SGSM1: variants seen among roughly 807,000 people sequenced by gnomAD.
The protein encoded by SGSM1 is small G protein signaling modulator 1, also known as RUN and TBC1 domain containing 2.
A neutral mutation model predicts 133.8 loss-of-function variants in SGSM1; 73 were observed. That is an observed-to-expected ratio of 0.55 (90% CI 0.45 to 0.66). SGSM1 has a LOEUF of 0.66. SGSM1 is among the 30% of genes least tolerant of loss of function. The pLI is 0.00. For missense variants in SGSM1, 1,213 were observed against 1,448.1 expected, an observed-to-expected ratio of 0.84 and a Z score of 2.64; for synonymous variants, 563 against 573.0, an observed-to-expected ratio of 0.98 and a Z score of 0.25.
rs1555920070 is a variant in SGSM1, at chr22:24,822,088, C to CTCTTTTT, written c.63+15605_63+15606insCTTTTTT. On this transcript the variant is annotated intron_variant, in intron 2 of 24. Transcript: ENST00000400358. ...CCATGCTCTACCTGTTCATCTCTCTCTTTTTTTTTTTTTTTTTTTTGAGAC... is the reference window on the plus strand; with the variant it reads ...CCATGCTCTACCTGTTCATCTCTCTCTCTTTTTTTTTTTTTTTTTTTTTTTTTGAGAC... Among the ~76,000 whole-genome samples, 161 of 96,134 alleles carry CTCTTTTT rather than the reference C, an allele frequency of 1.7e-3. 3 individuals are homozygous for CTCTTTTT. The highest frequency in any genetic ancestry group is 6.0e-3 in the African/African-American group (156 of 26,176). 63.1% of individuals were successfully genotyped at this position (96,134 alleles called of 152,430 possible).
chr22:24,830,509 A>G (rs1929055760), intron 2 of SGSM1, among the ~76,000 whole-genome samples: 1 of 152,170 alleles, frequency 6.6e-6, no homozygotes, highest in Admixed American at 6.5e-5. Flanking sequence ...CAGGAAATAG[A>G]TGGCTCCCCC....
intron 3 of SGSM1, among the ~76,000 whole-genome samples, chr22:24,846,864 G>A (rs974060521): frequency 6.0e-5 from 9 of 149,708 alleles, no homozygotes; most frequent in East Asian, 2.0e-4. Flanking sequence ...TTTTTGAGAC[G>A]GAGTCTCGCT....
intron 3 of SGSM1, among the ~76,000 whole-genome samples, chr22:24,845,950 TTTCTTTC>T (rs1930092974): frequency 1.8e-5 from 1 of 54,470 alleles, no homozygotes; most frequent in Non-Finnish European, 3.9e-5. Context: ...CTTTTCTTTC[TTTCTTTC>T]TTTCTTTCTT....
intron 2 of SGSM1, among the ~76,000 whole-genome samples, chr22:24,816,768 A>T (rs768159699): frequency 6.6e-6 from 1 of 152,086 alleles, no homozygotes; most frequent in African/African-American, 2.4e-5. Flanking sequence ...GTCTCTTGCC[A>T]TCTCTCTGCA....
intron 21 of SGSM1, among the ~76,000 whole-genome samples, chr22:24,908,446 G>A (rs1158309737): frequency 2.0e-5 from 3 of 152,174 alleles, no homozygotes; most frequent in South Asian, 2.1e-4. Context: ...ATATTTGCAA[G>A]TCATATGCGT....
At chr22:24,912,027 C>G (rs1366813024) in intron 21 of SGSM1, among the ~76,000 whole-genome samples, 1 of 150,314 alleles carries the variant, frequency 6.7e-6, no homozygotes, top group Non-Finnish European at 1.5e-5. Context: ...TGCACTCCAG[C>G]CTGGGCGACA....
At chr22:24,837,987 G>T (rs1454771666) in intron 2 of SGSM1, among the ~76,000 whole-genome samples, 1 of 152,078 alleles carries the variant, frequency 6.6e-6, no homozygotes, top group Non-Finnish European at 1.5e-5. Flanking sequence ...TCTGTCTCTT[G>T]CCTCGGTGCC....
At chr22:24,816,946 C>G (rs5760681) in intron 2 of SGSM1, among the ~76,000 whole-genome samples, 88,492 of 152,026 alleles carry the variant, frequency 0.58, 26,370 homozygotes, top group East Asian at 0.83. Flanking sequence ...CACTGGACCA[C>G]TGTGGGTCAC....
At chr22:24,908,116 G>A (rs888563605) in intron 21 of SGSM1, among the ~76,000 whole-genome samples, 1 of 151,858 alleles carries the variant, frequency 6.6e-6, no homozygotes, top group Non-Finnish European at 1.5e-5. Flanking sequence ...AACTCAGTGA[G>A]GAAAAACAGT....
chr22:24,898,130 C>T lies in SGSM1; in HGVS notation c.2181C>T (p.His727=), dbSNP rs1569168990. 2 of 1,614,036 alleles carry T rather than the reference C, an allele frequency of 1.2e-6. No individual in the cohort carries two copies. The highest frequency in any genetic ancestry group is 1.3e-5 in the African/African-American group (1 of 75,062). The change falls in exon 19 of 25, where the codon CAC becomes CAT. Residue 727 remains histidine, a synonymous_variant. Transcript: ENST00000400358. ...ACTTCTCCTCGGGCCTCTCAGAGCACTCAGAGCCCAGTCTGAGCACAGAAG... is the reference window on the plus strand; with the variant it reads ...ACTTCTCCTCGGGCCTCTCAGAGCATTCAGAGCCCAGTCTGAGCACAGAAG... The part of the protein sequence containing the change: ...SHNFSSGLSE[H]SEPSLSTEDS...
At chr22:24,912,616 T>G (rs1426909469) in intron 21 of SGSM1, 27 bp from the exon 22 acceptor site, 50 of 1,508,676 alleles carry the variant, frequency 3.3e-5, no homozygotes, top group Non-Finnish European at 4.6e-5. Flanking sequence ...CAGCGGGGCA[T>G]CTGACTGTTC....
intron 12 of SGSM1, among the ~76,000 whole-genome samples, chr22:24,870,453 C>T (rs1354883257): frequency 6.6e-6 from 1 of 152,252 alleles, no homozygotes; most frequent in Non-Finnish European, 1.5e-5. Context: ...TCTCATCCAA[C>T]AGGCAATGTG....
intron 6 of SGSM1, 72 bp downstream of exon 6, chr22:24,855,135 T>A: frequency 6.4e-7 from 1 of 1,563,198 alleles, no homozygotes; most frequent in African/African-American, 1.4e-5. Flanking sequence ...TCTCCAGGAC[T>A]CTCTCACCCC....
In SGSM1 at chr22:24,924,322, C is replaced by T. The variant is rs1209745068; in HGVS notation, c.*48C>T. On this transcript the variant is annotated 3_prime_UTR_variant, in exon 25 of 25. Coordinates refer to ENST00000400358, the MANE Select transcript of SGSM1 (RefSeq NM_001098497.3). ...TCAGCCAAGCTGCCCCTGCCCCGCTCCTCTGCTTACTTTTCCTCCTGGCTG... is the reference window on the plus strand; with the variant it reads ...TCAGCCAAGCTGCCCCTGCCCCGCTTCTCTGCTTACTTTTCCTCCTGGCTG... 1 of 1,548,080 alleles carries T rather than the reference C, an allele frequency of 6.5e-7. No individual in the cohort carries two copies. The highest frequency in any genetic ancestry group is 1.7e-5 in the Admixed American group (1 of 59,232).
intron 12 of SGSM1, among the ~76,000 whole-genome samples, chr22:24,876,276 A>G (rs1932019582): frequency 6.6e-6 from 1 of 152,112 alleles, no homozygotes; most frequent in African/African-American, 2.4e-5. Flanking sequence ...AAGTGACAAC[A>G]TGGCAAGGCT....
At chr22:24,858,321 C>G (rs1213052930) in intron 8 of SGSM1, among the ~76,000 whole-genome samples, 1 of 152,058 alleles carries the variant, frequency 6.6e-6, no homozygotes, top group Non-Finnish European at 1.5e-5. Context: ...GGTTGCTTTG[C>G]AAGAAAATCT....
At chr22:24,914,676 A>G (rs1393334908) in intron 22 of SGSM1, among the ~76,000 whole-genome samples, 1 of 151,954 alleles carries the variant, frequency 6.6e-6, no homozygotes, top group Non-Finnish European at 1.5e-5. Context: ...TTTACTCCCC[A>G]CTTTACATAA....
chr22:24,885,094 C>G (rs1287412450), intron 15 of SGSM1, among the ~76,000 whole-genome samples: 1 of 11,030 alleles, frequency 9.1e-5, no homozygotes, highest in Non-Finnish European at 1.6e-4. Flanking sequence ...GATTACAGTG[C>G]CTGGCCAATT....
intron 2 of SGSM1, among the ~76,000 whole-genome samples, chr22:24,816,651 T>C (rs1928101282): frequency 6.6e-6 from 1 of 152,102 alleles, no homozygotes; most frequent in Admixed American, 6.5e-5. Flanking sequence ...GTGATCCGCC[T>C]GCCTTGGCCT....
Sources: allele counts gnomAD v4.1 joint callset (sites outside exome capture counted in the v4.1 genomes callset), GRCh38; gene constraint gnomAD v4.1.1; transcripts MANE v1.5; gene names NCBI Gene and HGNC (gene_info 2026-07-23, HGNC 2026-07-21).